Variants in TM6SF1 observed in about 807,000 individuals in gnomAD.
The protein encoded by TM6SF1 is transmembrane 6 superfamily member 1.
A neutral mutation model predicts 47.1 loss-of-function variants in TM6SF1; 43 were observed. The ratio of observed to expected loss-of-function variants is 0.91; its 90% CI spans 0.72 to 1.18. TM6SF1 has a LOEUF of 1.18. Ranked by LOEUF, TM6SF1 falls within the 50% of genes most tolerant of loss-of-function variation. The pLI is 0.00. For synonymous variants in TM6SF1, 177 were observed against 166.3 expected (o/e 1.06, Z -0.49); for missense variants, 390 against 449.0 (o/e 0.87, Z 1.19).
chr15:83,120,375 T>G (rs542372659), intron 4 of TM6SF1, among the ~76,000 whole-genome samples: 3 of 152,280 alleles, frequency 2.0e-5, no homozygotes, highest in African/African-American at 7.2e-5. Context: ...CACCCACAGC[T>G]TTTTTTCTGC....
rs1281443664 is a variant in TM6SF1 at position 83,123,453 on chromosome 15, AGTTTCTCTCT to A, written c.603+582_603+591del. ...CTGTTAAGGCCTTCATTTCTAAGCT[AGTTTCTCTCT>A]GTTTCTTTTACTTTTCTAGGTATTA... On this transcript the variant is annotated intron_variant, in intron 6 of 9. Transcript: ENST00000322019. Among the ~76,000 whole-genome samples the A allele has an allele frequency of 7.2e-5, 11 of 152,272 alleles. No homozygotes were observed. In the East Asian group the frequency reaches 2.1e-3, roughly 29 times the overall value.
intron 1 of TM6SF1, among the ~76,000 whole-genome samples, chr15:83,108,043 G>A (rs2033824680): frequency 6.6e-6 from 1 of 152,172 alleles, no homozygotes; most frequent in African/African-American, 2.4e-5. Context: ...GGTCACAGGC[G>A]TCAATACGGC....
intron 9 of TM6SF1, chr15:83,131,495 G>A (rs2036247030): frequency 6.6e-6 from 1 of 152,312 alleles, no homozygotes; most frequent in Non-Finnish European, 1.5e-5. Context: ...AGCTGGGTGT[G>A]GTGGTGGGCA....
chr15:83,113,209 C>A (rs796141133), intron 2 of TM6SF1: 18 of 434,976 alleles, frequency 4.1e-5, no homozygotes, highest in African/African-American at 1.8e-4. Flanking sequence ...CCTTCCTGGG[C>A]TTCCTGTCTT....
chr15:83,126,084 G>A (rs932559911), intron 7 of TM6SF1, among the ~76,000 whole-genome samples: 2 of 152,188 alleles, frequency 1.3e-5, no homozygotes, highest in African/African-American at 4.8e-5. Context: ...GTGTGCATGT[G>A]TGGGGGTGCA....
chr15:83,120,262 A>G (rs1286868672), intron 4 of TM6SF1, among the ~76,000 whole-genome samples: 1 of 152,236 alleles, frequency 6.6e-6, no homozygotes, highest in Non-Finnish European at 1.5e-5. Context: ...TGGGAGGCAC[A>G]CATGTGAGTT....
At chr15:83,108,441 C>T (rs1286706948) in intron 1 of TM6SF1, among the ~76,000 whole-genome samples, 1 of 151,884 alleles carries the variant, frequency 6.6e-6, no homozygotes, top group African/African-American at 2.4e-5. Flanking sequence ...AAGTGCTTCC[C>T]AGTGCCTGCG....
rs2033808152 is a variant in TM6SF1 at position 83,107,895 on chromosome 15, C to T, written c.92+123C>T. Reference sequence around the variant, plus strand: ...TCCGCCGCGGGACAGAGGTTCGTGGCCGCAGGGGCTCCCCGCGCCTGGCCA... The same window carrying T: ...TCCGCCGCGGGACAGAGGTTCGTGGTCGCAGGGGCTCCCCGCGCCTGGCCA... On this transcript the variant is annotated intron_variant, in intron 1 of 9. Coordinates refer to ENST00000322019, the MANE Select transcript of TM6SF1 (RefSeq NM_023003.5). The surrounding 1 kb of genome is among the most constrained non-coding windows in gnomAD (Gnocchi z 5.6). The T allele has an allele frequency of 6.8e-6, 9 of 1,318,540 alleles. No individual in the cohort carries two copies. In the South Asian group the frequency reaches 1.4e-4, roughly 21 times the overall value. The allele number at this position is 1,318,540 out of a possible 1,614,324, so 81.7% of individuals were successfully genotyped here. A position where few individuals can be genotyped will look rare whatever the true frequency, so the allele number is the denominator to read the frequency against.
chr15:83,130,639 T>G (rs895786738), intron 9 of TM6SF1: 1 of 152,222 alleles, frequency 6.6e-6, no homozygotes, highest in Non-Finnish European at 1.5e-5. Flanking sequence ...ATCTACCCAC[T>G]TATAGTGTGT....
At chr15:83,117,446 T>G (rs985940391) in intron 3 of TM6SF1, among the ~76,000 whole-genome samples, 3 of 152,074 alleles carry the variant, frequency 2.0e-5, no homozygotes, top group African/African-American at 7.2e-5. Context: ...AGAAAAGGGC[T>G]GAGCTTGGGA....
At chr15:83,120,046 C>A (rs2035071601) in intron 4 of TM6SF1, 1 of 230,400 alleles carries the variant, frequency 4.3e-6, no homozygotes, top group African/African-American at 2.2e-5. Context: ...TGTCCTTCCC[C>A]AGATCAGGCA....
chr15:83,132,334 C>A (rs1378962182), intron 9 of TM6SF1: 1 of 152,060 alleles, frequency 6.6e-6, no homozygotes, highest in Non-Finnish European at 1.5e-5. Flanking sequence ...ACCAAGAAAA[C>A]AAAGAAACTG....
Position 83,111,108 on chromosome 15 carries a change from G to A in TM6SF1, c.93-1689G>A, listed in dbSNP as rs374740943. 3.5e-4 allele frequency among the ~76,000 whole-genome samples: 53 copies of A among 152,180 alleles called. 2 individuals are homozygous for A. The East Asian group carries it at 6.6e-3, about 19-fold the overall frequency. ...GCTGGTCTCCAACTCCTGACCTCGG[G>A]TGATCCACCCGCCTCGACCTCCCAA... On this transcript the variant is annotated intron_variant, in intron 1 of 9. Transcript: ENST00000322019.
intron 3 of TM6SF1, among the ~76,000 whole-genome samples, chr15:83,116,872 G>T (rs1201508984): frequency 1.3e-5 from 2 of 152,222 alleles, no homozygotes; most frequent in Non-Finnish European, 2.9e-5. Flanking sequence ...GAATTTGGAA[G>T]AATGCTGCTG....
intron 2 of TM6SF1, chr15:83,113,293 T>C: frequency 4.4e-6 from 1 of 224,824 alleles, no homozygotes; most frequent in Non-Finnish European, 9.0e-6. Flanking sequence ...CACATATGCA[T>C]GAAGAGGAAA....
intron 2 of TM6SF1, chr15:83,113,236 G>A: frequency 2.6e-6 from 1 of 391,704 alleles, no homozygotes; most frequent in Non-Finnish European, 4.8e-6. Context: ...GCTACTAGCA[G>A]TCCCCCCCAC....
intron 9 of TM6SF1, chr15:83,130,258 T>C (rs770787652): frequency 1.3e-5 from 2 of 151,976 alleles, no homozygotes; most frequent in Non-Finnish European, 2.9e-5. Flanking sequence ...TAGAGGAAAA[T>C]GGGTGTGGTA....
chr15:83,130,736 C>A (rs983406805), intron 9 of TM6SF1: 2 of 152,190 alleles, frequency 1.3e-5, no homozygotes, highest in African/African-American at 4.8e-5. Context: ...TTGTACTTAG[C>A]AAATACTCGC....
rs1428838717 is a variant in TM6SF1, at chr15:83,119,610, C to A, written c.327C>A (p.His109Gln). The A allele has an allele frequency of 1.9e-6, 3 of 1,614,212 alleles. No homozygotes were observed. In the East Asian group the frequency reaches 6.7e-5, roughly 36 times the overall value. Residue 109 changes from histidine to glutamine, a missense_variant, in exon 4 of 10, where the codon CAC (histidine) becomes CAA (glutamine). Physicochemically the swap from His to Gln is conservative, Grantham distance 24. Transcript: ENST00000322019. ...GEPYLNTAYG[H>Q]MICYWDGSAH... ...CGTATCTGAACACCGCATATGGGCA[C>A]ATGATCTGCTACTGGGATGGCTCTG...
Sources: gnomAD v4.1 joint callset for allele counts (sites outside exome capture counted in the v4.1 genomes callset) on GRCh38, gnomAD v4.1.1 for gene constraint, Gnocchi (gnomAD v3.1) non-coding constraint, MANE v1.5 for transcripts, NCBI Gene and HGNC (gene_info 2026-07-23, HGNC 2026-07-21) for gene names.